VPS13D: variants seen among roughly 807,000 people sequenced by gnomAD.
VPS13D encodes the protein intermembrane lipid transfer protein VPS13D.
In VPS13D, 187 loss-of-function variants were observed where a neutral mutation model predicts 461.9. The ratio of observed to expected loss-of-function variants is 0.40; its 90% confidence interval spans 0.36 to 0.46. The LOEUF (loss-of-function observed/expected upper bound fraction) is 0.46, where lower values mean the gene tolerates loss of function less well. Among genes scored for constraint, VPS13D ranks in the 20% least tolerant of loss-of-function variants. VPS13D has a pLI of 0.60. For synonymous variants in VPS13D, 1,951 were observed against 1,986.3 expected (o/e 0.98, Z 0.47); for missense variants, 4,711 against 5,364.9 (o/e 0.88, Z 3.81).
intron 6 of VPS13D, among the ~76,000 whole-genome samples, chr1:12,250,161 C>G (rs1345488749): frequency 1.3e-5 from 2 of 152,224 alleles, no homozygotes; most frequent in Non-Finnish European, 2.9e-5. Context: ...CCACACCCCC[C>G]TCCAGTGTTC....
At chr1:12,361,544 C>T (rs1010314669) in intron 50 of VPS13D, among the ~76,000 whole-genome samples, 5 of 150,250 alleles carry the variant, frequency 3.3e-5, no homozygotes, top group Admixed American at 6.6e-5. Flanking sequence ...TACAGGCGCC[C>T]GCCACTACGC....
intron 43 of VPS13D, 32 bp downstream of exon 43, chr1:12,345,541 G>A (rs1482488754): frequency 6.3e-7 from 1 of 1,592,996 alleles, no homozygotes; most frequent in African/African-American, 1.3e-5. Context: ...AGATGGTTAA[G>A]CGACTGTCAG....
intron 65 of VPS13D, among the ~76,000 whole-genome samples, chr1:12,439,716 T>G (rs991802565): frequency 6.6e-6 from 1 of 152,148 alleles, no homozygotes; most frequent in African/African-American, 2.4e-5. Context: ...CAAATAGTGC[T>G]AAGTAAGTTT....
In VPS13D at chr1:12,456,140, G is replaced by A. The variant is rs771964713; in HGVS notation, c.12466+10G>A. ...CATGGCCTGGCTCATGGTAAGTCAT[G>A]GGTGACATCAGGCTCTGCTGCTGCT... On this transcript the variant is annotated intron_variant, in intron 66 of 69. Coordinates refer to ENST00000620676, the MANE Select transcript of VPS13D (RefSeq NM_015378.4). 2 of 1,605,582 alleles carry A rather than the reference G, an allele frequency of 1.2e-6. No individual in the cohort carries two copies.
intron 26 of VPS13D, 69 bp downstream of exon 26, chr1:12,304,797 G>C (rs948064098): frequency 1.4e-6 from 2 of 1,470,290 alleles, no homozygotes; most frequent in Admixed American, 1.8e-5. Flanking sequence ...GGAAACTGAG[G>C]GGGGTGGGCA....
At chr1:12,304,807 A>C (rs1227261042) in intron 26 of VPS13D, 79 bp downstream of exon 26, 1 of 1,378,706 alleles carries the variant, frequency 7.3e-7, no homozygotes. Context: ...GGGGGTGGGC[A>C]TTGTGTTCAA....
intron 65 of VPS13D, among the ~76,000 whole-genome samples, chr1:12,421,443 T>C (rs1407840028): frequency 5.3e-5 from 8 of 152,216 alleles, no homozygotes; most frequent in Non-Finnish European, 1.2e-4. Flanking sequence ...TCTAGTTGTG[T>C]GTCATGTGAA....
Position 12,348,950 on chromosome 1 carries a change from T to C in VPS13D, c.9197T>C (p.Leu3066Pro). 1 of 1,614,240 alleles carries C rather than the reference T, an allele frequency of 6.2e-7. No individual in the cohort carries two copies. Among genetic ancestry groups the C allele is most frequent in the Non-Finnish European group, 8.5e-7 (1 of 1,180,034 alleles). ...CTTGAGACACCAATGGAACTAAGAC[T>C]GGATAGCCCATCAGCTCCAGACAGT... ...NRLETPMELR[L>P]DSPSAPDKPV... The change falls in exon 45 of 70, where the codon CTG becomes CCG. Residue 3066 changes from leucine to proline, a missense_variant. By Grantham distance (98) the Leu-to-Pro change is moderately conservative. Transcript: ENST00000620676.
intron 52 of VPS13D, among the ~76,000 whole-genome samples, chr1:12,363,459 T>C (rs2101616649): frequency 6.6e-6 from 1 of 152,334 alleles, no homozygotes; most frequent in South Asian, 2.1e-4. Context: ...ATTGCTGTTG[T>C]CTAATCCAAA....
chr1:12,285,860 T>C (rs1288613970), intron 21 of VPS13D, among the ~76,000 whole-genome samples: 2 of 152,238 alleles, frequency 1.3e-5, no homozygotes, highest in Non-Finnish European at 2.9e-5. Flanking sequence ...AATACTGTGC[T>C]TTTGTAAGCC....
intron 37 of VPS13D, among the ~76,000 whole-genome samples, chr1:12,330,553 T>A (rs576088349): frequency 2.6e-5 from 4 of 152,264 alleles, no homozygotes; most frequent in Non-Finnish European, 4.4e-5. Context: ...CAAGGGAGAT[T>A]TATGCCCACA....
intron 65 of VPS13D, among the ~76,000 whole-genome samples, chr1:12,436,339 T>G (rs1232636324): frequency 6.6e-6 from 1 of 152,160 alleles, no homozygotes; most frequent in Non-Finnish European, 1.5e-5. Flanking sequence ...GCTTGCCATG[T>G]GGACAAGAGA....
chr1:12,477,891 G>A (rs72869509), intron 67 of VPS13D, among the ~76,000 whole-genome samples: 6,534 of 152,186 alleles, frequency 0.043, 252 homozygotes, highest in Admixed American at 0.11. Flanking sequence ...TAGCTATAGA[G>A]ATCTGTCTCC....
intron 25 of VPS13D, among the ~76,000 whole-genome samples, chr1:12,303,112 CT>C: frequency 6.6e-6 from 1 of 152,220 alleles, no homozygotes; most frequent in East Asian, 1.9e-4. Flanking sequence ...TTGCATTTGC[CT>C]TTGAATACAT....
intron 66 of VPS13D, among the ~76,000 whole-genome samples, chr1:12,457,019 T>C (rs1039318532): frequency 1.3e-5 from 2 of 152,264 alleles, no homozygotes; most frequent in Admixed American, 1.3e-4. Flanking sequence ...ACTAAAATTA[T>C]AAATTTATTT....
At chr1:12,375,099 C>T (rs918068020) in intron 55 of VPS13D, among the ~76,000 whole-genome samples, 18 of 152,192 alleles carry the variant, frequency 1.2e-4, no homozygotes, top group Non-Finnish European at 1.9e-4. Flanking sequence ...TTTAACCTTC[C>T]GTGTGCTTTC....
At chr1:12,380,710 T>C (rs1262510196) in intron 57 of VPS13D, among the ~76,000 whole-genome samples, 1 of 152,204 alleles carries the variant, frequency 6.6e-6, no homozygotes, top group Non-Finnish European at 1.5e-5. Flanking sequence ...AACAGGAGAC[T>C]ATCAGACTCT....
rs1188024789 is a variant in VPS13D, at chr1:12,275,997, G to C, written c.2409G>C (p.Gln803His). The change falls in exon 19 of 70, where the codon CAG (glutamine) becomes CAC (histidine). Residue 803 changes from glutamine (Q) to histidine (H), a missense_variant. Gln to His is a conservative substitution (Grantham distance 24). Transcript: ENST00000620676. ...CTGGAGTTGAGTTCAGTGAAGAACA[G>C]CTTCAAGCACATTTAATGAGCACAA... The part of the protein sequence containing the change: ...PFSGVEFSEE[Q>H]LQAHLMSTKM... 1.9e-5 allele frequency: 30 copies of C among 1,613,822 alleles called. No homozygotes were observed. The East Asian group carries it at 6.7e-4, about 36-fold the overall frequency.
At chr1:12,236,795 G>A (rs1640161121) in intron 2 of VPS13D, among the ~76,000 whole-genome samples, 1 of 152,162 alleles carries the variant, frequency 6.6e-6, no homozygotes, top group African/African-American at 2.4e-5. Flanking sequence ...TAAACTATGT[G>A]TTTGAATCCC....
Sources: allele counts gnomAD v4.1 joint callset (sites outside exome capture counted in the v4.1 genomes callset), GRCh38; gene constraint gnomAD v4.1.1; transcripts MANE v1.5; gene names NCBI Gene and HGNC (gene_info 2026-07-23, HGNC 2026-07-21).